Variants in SLC5A11 observed in about 807,000 individuals in gnomAD.
SLC5A11 encodes solute carrier family 5 member 11.
SLC5A11 carries 48 observed loss-of-function variants against 69.8 expected under a neutral mutation model. The observed-to-expected ratio is 0.69, with a 90% CI of 0.55 to 0.87. The LOEUF (loss-of-function observed/expected upper bound fraction) is 0.87, where lower values mean the gene tolerates loss of function less well. SLC5A11 is among the 40% of genes least tolerant of loss of function. The pLI, the probability that SLC5A11 is intolerant of heterozygous loss-of-function variation, is 0.00. For synonymous variants in SLC5A11, 319 were observed against 342.4 expected, an observed-to-expected ratio of 0.93 and a Z score of 0.75; for missense variants, 784 against 866.1, an observed-to-expected ratio of 0.91 and a Z score of 1.19.
At chr16:24,870,663 C>T in intron 4 of SLC5A11, among the ~76,000 whole-genome samples, 1 of 151,118 alleles carries the variant, frequency 6.6e-6, no homozygotes, top group East Asian at 2.0e-4. Context: ...GCCTGTAATC[C>T]TAGCTACTCA....
chr16:24,883,734 A>G (rs1332520566), intron 7 of SLC5A11, among the ~76,000 whole-genome samples: 1 of 152,220 alleles, frequency 6.6e-6, no homozygotes, highest in African/African-American at 2.4e-5. Context: ...TCAGGGCAAC[A>G]GGAGAGTAAG....
At chr16:24,894,802 A>AAAACAAAC (rs570227609) in intron 9 of SLC5A11, among the ~76,000 whole-genome samples, 14 of 148,776 alleles carry the variant, frequency 9.4e-5, no homozygotes, top group Non-Finnish European at 1.8e-4. Context: ...TCCGTCCCAA[A>AAAACAAAC]AAACAAACAA....
chr16:24,910,846 T>G (rs2050463543), intron 15 of SLC5A11, among the ~76,000 whole-genome samples: 1 of 152,086 alleles, frequency 6.6e-6, no homozygotes, highest in Non-Finnish European at 1.5e-5. Context: ...ACCTACAGTT[T>G]CAACAAAATG....
chr16:24,909,161 A>C, intron 14 of SLC5A11, 65 bp downstream of exon 15: 1 of 1,538,052 alleles, frequency 6.5e-7, no homozygotes, highest in Non-Finnish European at 9.0e-7. Context: ...AAACTGACTC[A>C]AACTGACTTA....
intron 10 of SLC5A11, among the ~76,000 whole-genome samples, chr16:24,902,688 C>T (rs1197879899): frequency 1.3e-5 from 2 of 151,982 alleles, no homozygotes; most frequent in East Asian, 1.9e-4. Context: ...TACAGGCATG[C>T]GCCACCAACC....
intron 5 of SLC5A11, among the ~76,000 whole-genome samples, chr16:24,874,399 A>G (rs1234012690): frequency 6.6e-6 from 1 of 152,174 alleles, no homozygotes; most frequent in Non-Finnish European, 1.5e-5. Flanking sequence ...TTTACAAGAT[A>G]TTGACAAACA....
chr16:24,877,337 CCAT>C (rs755798631), exon 7 of SLC5A11: 1 of 1,614,008 alleles, frequency 6.2e-7, no homozygotes, highest in South Asian at 1.1e-5. Flanking sequence ...GGGCTACTGG[CCAT>C]CACTGCTGTA....
In SLC5A11 at chr16:24,910,293, C is replaced by T. The variant is rs2050412520; in HGVS notation, c.1651-13C>T. 12 of 1,613,586 alleles carry T rather than the reference C, an allele frequency of 7.4e-6. No homozygotes were observed. The highest frequency in any genetic ancestry group is 1.0e-5 in the Non-Finnish European group (12 of 1,179,760). ...CTCCACCACAAATCTCATCATTCAT[C>T]CCTGCTCCTTAGGTCAGCCACCTGA... On this transcript the variant is annotated splice_polypyrimidine_tract_variant and intron_variant, in intron 14 of 15. Coordinates refer to ENST00000347898, the Ensembl canonical transcript of SLC5A11.
At chr16:24,891,377 C>T (rs191600407) in intron 9 of SLC5A11, among the ~76,000 whole-genome samples, 22 of 148,206 alleles carry the variant, frequency 1.5e-4, no homozygotes, top group African/African-American at 4.5e-4. Flanking sequence ...GGCAGAGGCA[C>T]GATCATAGCT....
exon 14 of SLC5A11, chr16:24,908,960 G>C: frequency 6.2e-7 from 1 of 1,614,004 alleles, no homozygotes; most frequent in Non-Finnish European, 8.5e-7. Flanking sequence ...GTGCAGCCTC[G>C]ATGCGACCAG....
chr16:24,883,908 A>G, intron 7 of SLC5A11, 143 bp from the exon 9 acceptor site: 1 of 687,880 alleles, frequency 1.5e-6, no homozygotes, highest in Non-Finnish European at 2.6e-6. Context: ...GCACACAGGG[A>G]GGAGTGATCG....
At chr16:24,870,332 G>A (rs905491598) in intron 4 of SLC5A11, among the ~76,000 whole-genome samples, 1 of 152,050 alleles carries the variant, frequency 6.6e-6, no homozygotes, top group Non-Finnish European at 1.5e-5. Flanking sequence ...GGCGGAGGTT[G>A]CAGTGAGCAG....
intron 7 of SLC5A11, among the ~76,000 whole-genome samples, chr16:24,878,782 C>A (rs28721281): frequency 0.029 from 4,419 of 152,192 alleles, 200 homozygotes; most frequent in African/African-American, 0.099. Context: ...TGTGTAATCC[C>A]AACACTTTGG....
intron 1 of SLC5A11, among the ~76,000 whole-genome samples, chr16:24,853,129 G>A (rs1201702526): frequency 6.6e-6 from 1 of 151,396 alleles, no homozygotes; most frequent in Non-Finnish European, 1.5e-5. Flanking sequence ...GAGTCCCCAG[G>A]GTCTAGCACA....
intron 1 of SLC5A11, among the ~76,000 whole-genome samples, chr16:24,850,968 G>A (rs974672071): frequency 1.1e-4 from 17 of 151,378 alleles, no homozygotes; most frequent in African/African-American, 3.4e-4. Context: ...CCACCACCAC[G>A]CCCTGCTAAT....
chr16:24,903,997 G>A (rs2049836883), intron 10 of SLC5A11, among the ~76,000 whole-genome samples: 1 of 152,214 alleles, frequency 6.6e-6, no homozygotes, highest in East Asian at 1.9e-4. Context: ...CAGTCATGGT[G>A]GAAGGCGAAG....
chr16:24,901,621 TC>T (rs1307877676), intron 10 of SLC5A11, among the ~76,000 whole-genome samples: 1 of 151,466 alleles, frequency 6.6e-6, no homozygotes, highest in East Asian at 2.0e-4. Flanking sequence ...AAAAAATCAT[TC>T]ATTCACTCAT....
chr16:24,897,992 C>A (rs760087949), exon 10 of SLC5A11: 1 of 1,614,090 alleles, frequency 6.2e-7, no homozygotes, highest in Admixed American at 1.7e-5. Context: ...CCAGCGGACT[C>A]TGGCTGCCAA....
chr16:24,861,505 G>C (rs141072710), intron 2 of SLC5A11, among the ~76,000 whole-genome samples: 1 of 147,534 alleles, frequency 6.8e-6, no homozygotes, highest in Non-Finnish European at 1.5e-5. Flanking sequence ...AGAGAGAAAG[G>C]AAAGAAAGGA....
Sources: gnomAD v4.1 joint callset for allele counts (sites outside exome capture counted in the v4.1 genomes callset) on GRCh38, gnomAD v4.1.1 for gene constraint, MANE v1.5 for transcripts, NCBI Gene and HGNC (gene_info 2026-07-23, HGNC 2026-07-21) for gene names.